RYR2: variants seen among roughly 807,000 people sequenced by gnomAD.
RYR2 encodes the protein cardiac muscle ryanodine receptor-calcium release channel.
A neutral mutation model predicts 601.1 loss-of-function variants in RYR2; 227 were observed. That is an observed-to-expected ratio of 0.38 (90% confidence interval 0.34 to 0.42). The LOEUF (loss-of-function observed/expected upper bound fraction) is 0.42, where lower values mean the gene tolerates loss of function less well. RYR2 is among the 10% of genes least tolerant of loss of function. RYR2 has a pLI of 1.00. For synonymous variants in RYR2, 2,223 were observed against 2,175.1 expected (o/e 1.02, Z -0.61); for missense variants, 4,646 against 6,156.5 (o/e 0.75, Z 8.21).
intron 63 of RYR2, among the ~76,000 whole-genome samples, chr1:237,690,403 G>A (rs534451601): frequency 6.6e-6 from 1 of 152,232 alleles, no homozygotes; most frequent in South Asian, 2.1e-4. Context: ...AATTTTTTGT[G>A]AAATAATTCA....
At chr1:237,476,635 C>A (rs1331919706) in intron 17 of RYR2, among the ~76,000 whole-genome samples, 1 of 151,430 alleles carries the variant, frequency 6.6e-6, no homozygotes, top group Non-Finnish European at 1.5e-5. Flanking sequence ...TTAAGGCTTC[C>A]AAAGTCCTTA....
At chr1:237,792,382 CGTGTGTGTGTGT>C (rs1359233766) in intron 94 of RYR2, 59 bp downstream of exon 94, 78 of 667,002 alleles carry the variant, frequency 1.2e-4, no homozygotes, top group African/African-American at 9.5e-4. Flanking sequence ...TGTGTGTGTG[CGTGTGTGTGTGT>C]GTGCGTGTGT....
At chr1:237,068,032 ATT>A (rs36053229) in intron 1 of RYR2, among the ~76,000 whole-genome samples, 21 of 122,834 alleles carry the variant, frequency 1.7e-4, no homozygotes, top group Admixed American at 3.3e-4. Context: ...CAGAACTTTG[ATT>A]TTTTTTTTTT....
chr1:237,801,745 G>T, intron 97 of RYR2, 111 bp from the exon 98 acceptor site: 1 of 572,448 alleles, frequency 1.7e-6, no homozygotes, highest in Non-Finnish European at 3.1e-6. Context: ...CGTTTCCCAA[G>T]AAGGTGTCCA....
At chr1:237,332,695 A>G (rs1696864029) in intron 3 of RYR2, among the ~76,000 whole-genome samples, 1 of 152,230 alleles carries the variant, frequency 6.6e-6, no homozygotes, top group South Asian at 2.1e-4. Context: ...ACTTAGAACT[A>G]AATTGCCATA....
intron 1 of RYR2, among the ~76,000 whole-genome samples, chr1:237,063,444 A>G (rs1239181867): frequency 6.6e-6 from 1 of 152,114 alleles, no homozygotes; most frequent in Non-Finnish European, 1.5e-5. Flanking sequence ...TACACTAGAG[A>G]TTATAATATC....
chr1:237,127,055 A>G lies in RYR2; in HGVS notation c.48+84486A>G, dbSNP rs1012935957. ...TCTTGCACCGCCCTTAATCCATTTA[A>G]CCCTGAGTGGACACAGCACATGTTT... is the stretch of plus-strand genomic sequence containing the variant. On this transcript the variant is annotated intron_variant, in intron 1 of 104. Coordinates refer to ENST00000366574, the MANE Select transcript of RYR2 (RefSeq NM_001035.3). Among the ~76,000 whole-genome samples the G allele has an allele frequency of 2.4e-3, 360 of 151,738 alleles. 2 individuals are homozygous for G. Among genetic ancestry groups the G allele is most frequent in the African/African-American group, 8.3e-3 (344 of 41,430 alleles).
At chr1:237,633,380 A>T (rs1457716673) in intron 42 of RYR2, among the ~76,000 whole-genome samples, 198 bp from the exon 43 acceptor site, 1 of 152,222 alleles carries the variant, frequency 6.6e-6, no homozygotes, top group African/African-American at 2.4e-5. Flanking sequence ...GAAGTTTCTG[A>T]ATTAGTGCCA....
At chr1:237,255,521 C>T (rs534114404) in intron 1 of RYR2, among the ~76,000 whole-genome samples, 1 of 152,228 alleles carries the variant, frequency 6.6e-6, no homozygotes, top group South Asian at 2.1e-4. Flanking sequence ...AAAAAATTTC[C>T]TTTGCCTCCT....
At chr1:237,130,436 G>T (rs1558289543) in intron 1 of RYR2, among the ~76,000 whole-genome samples, 1 of 152,116 alleles carries the variant, frequency 6.6e-6, no homozygotes, top group Non-Finnish European at 1.5e-5. Flanking sequence ...TCACTAGGTT[G>T]GGCACGGTGA....
At chr1:237,506,516 C>G (rs1181376416) in intron 22 of RYR2, among the ~76,000 whole-genome samples, 194 bp from the exon 23 acceptor site, 1 of 146,850 alleles carries the variant, frequency 6.8e-6, no homozygotes, top group Non-Finnish European at 1.5e-5. Context: ...CCAGCCTGGG[C>G]GACAGAGTGA....
intron 60 of RYR2, among the ~76,000 whole-genome samples, chr1:237,676,638 C>A (rs556810434): frequency 6.6e-6 from 1 of 152,232 alleles, no homozygotes; most frequent in South Asian, 2.1e-4. Context: ...TCATTGTTAT[C>A]GCAAGTGAAA....
chr1:237,637,896 G>A (rs957587472), intron 44 of RYR2, among the ~76,000 whole-genome samples: 8 of 152,020 alleles, frequency 5.3e-5, no homozygotes, highest in African/African-American at 1.4e-4. Context: ...AAGGAATTGC[G>A]GGTGGATTTA....
At chr1:237,095,592 C>T (rs1209265675) in intron 1 of RYR2, among the ~76,000 whole-genome samples, 2 of 152,208 alleles carry the variant, frequency 1.3e-5, no homozygotes, top group African/African-American at 4.8e-5. Context: ...CAGAGCATCC[C>T]CCTAGCCTGG....
intron 23 of RYR2, among the ~76,000 whole-genome samples, chr1:237,508,777 C>T (rs1665544377): frequency 9.2e-6 from 1 of 108,634 alleles, no homozygotes; most frequent in Admixed American, 1.5e-4. Context: ...GAGTCTTGCT[C>T]TGTCGCCCAG....
chr1:237,237,398 C>T (rs529443351), intron 1 of RYR2, among the ~76,000 whole-genome samples: 7 of 152,286 alleles, frequency 4.6e-5, no homozygotes, highest in South Asian at 2.1e-4. Context: ...GAATGGACCT[C>T]GCTCTAGGCC....
At chr1:237,425,415 A>T (rs1048644197) in intron 12 of RYR2, among the ~76,000 whole-genome samples, 1 of 152,122 alleles carries the variant, frequency 6.6e-6, no homozygotes, top group Non-Finnish European at 1.5e-5. Context: ...TAATCCCAGC[A>T]CTTTGGGAGG....
intron 25 of RYR2, among the ~76,000 whole-genome samples, chr1:237,533,924 G>A (rs1232152543): frequency 2.0e-5 from 3 of 151,992 alleles, no homozygotes; most frequent in Non-Finnish European, 4.4e-5. Flanking sequence ...TACTTTTGTA[G>A]TTATTTTATA....
At chr1:237,641,654 G>A (rs187134651) in intron 47 of RYR2, among the ~76,000 whole-genome samples, 1 of 151,846 alleles carries the variant, frequency 6.6e-6, no homozygotes, top group African/African-American at 2.4e-5. Flanking sequence ...TGATTCTCCT[G>A]CCTCAGCCTC....
Sources: allele counts gnomAD v4.1 joint callset (sites outside exome capture counted in the v4.1 genomes callset), GRCh38; gene constraint gnomAD v4.1.1; transcripts MANE v1.5; gene names NCBI Gene and HGNC (gene_info 2026-07-23, HGNC 2026-07-21).